Variants in SCARB1 observed in about 807,000 individuals in gnomAD.
SCARB1 encodes scavenger receptor class B member 1.
SCARB1 carries 30 observed loss-of-function variants against 57.2 expected under a neutral mutation model. The ratio of observed to expected loss-of-function variants is 0.52; its 90% CI spans 0.39 to 0.71. The LOEUF is 0.71. Ranked by LOEUF, SCARB1 falls within the 30% of genes least tolerant of loss-of-function variation. The pLI is 0.00. For synonymous variants in SCARB1, 249 were observed against 268.3 expected (o/e 0.93, Z 0.70); for missense variants, 543 against 671.2 (o/e 0.81, Z 2.11).
At chr12:124,851,807 A>G (rs181355331) in intron 1 of SCARB1, among the ~76,000 whole-genome samples, 48 of 152,080 alleles carry the variant, frequency 3.2e-4, no homozygotes, top group African/African-American at 1.1e-3. Context: ...GGGTTTCACC[A>G]TGTTGGCCAG....
At chr12:124,857,520 A>G (rs1952691282) in intron 1 of SCARB1, among the ~76,000 whole-genome samples, 1 of 152,204 alleles carries the variant, frequency 6.6e-6, no homozygotes, top group African/African-American at 2.4e-5. Flanking sequence ...GCCTGAGGCC[A>G]GGGCTGGGGG....
chr12:124,861,682 C>T (rs1325076764), intron 1 of SCARB1, among the ~76,000 whole-genome samples: 2 of 152,186 alleles, frequency 1.3e-5, no homozygotes, highest in East Asian at 1.9e-4. Flanking sequence ...TTGGGCTGGG[C>T]GTGTCTTCCT....
At position 124,814,161 on chromosome 12, in the gene SCARB1, C is replaced by T; in HGVS notation, c.630+41G>A. Reference sequence around the variant, plus strand: ...CAGGCTGTGTGAGGGGAAGACAGGACACAGGCCTGAATCTTTGGCTTCTCA... The same window carrying T: ...CAGGCTGTGTGAGGGGAAGACAGGATACAGGCCTGAATCTTTGGCTTCTCA... On this transcript the variant is annotated intron_variant, in intron 4 of 12. Coordinates refer to ENST00000261693, the MANE Select transcript of SCARB1 (RefSeq NM_005505.5). The surrounding 1 kb of genome is among the most constrained non-coding windows in gnomAD (Gnocchi z 4.7). 2 of 1,581,892 alleles carry T rather than the reference C, an allele frequency of 1.3e-6. No individual in the cohort carries two copies. Among genetic ancestry groups the T allele is most frequent in the Non-Finnish European group, 1.7e-6 (2 of 1,150,988 alleles).
Position 124,814,528 on chromosome 12 carries a change from G to T in SCARB1, c.427-123C>A. 9.7e-7 allele frequency: 1 copy of T among 1,030,022 alleles called. No homozygotes were observed. Among genetic ancestry groups the T allele is most frequent in the Non-Finnish European group, 1.5e-6 (1 of 671,054 alleles). 63.8% of individuals were successfully genotyped at this position (1,030,022 alleles called of 1,614,324 possible). ...AAATGCTGGGGTGCAGGAGGCCCCT[G>T]GAGTGGCCACGTGGGGCATCTGGGA... is the stretch of plus-strand genomic sequence containing the variant. On this transcript the variant is annotated intron_variant, in intron 3 of 12. Transcript: ENST00000261693. The surrounding 1 kb of genome is among the most constrained non-coding windows in gnomAD (Gnocchi z 4.7).
rs1953006937 is a variant in SCARB1, at chr12:124,863,839, G to A, written c.-119C>T. 1 of 1,264,118 alleles carries A rather than the reference G, an allele frequency of 7.9e-7. No homozygotes were observed. The highest frequency in any genetic ancestry group is 1.0e-6 in the Non-Finnish European group (1 of 979,140). 78.3% of individuals were successfully genotyped at this position (1,264,118 alleles called of 1,614,324 possible). The stretch of plus-strand genomic sequence containing the variant: ...GGCACGCAGGCCGCAGAGGCACGGT[G>A]GATCCGGGACGGCAGCGCACGCAGG... On this transcript the variant is annotated 5_prime_UTR_variant, in exon 1 of 13. Coordinates refer to ENST00000261693, the MANE Select transcript of SCARB1 (RefSeq NM_005505.5).
At position 124,814,823 on chromosome 12, in the gene SCARB1, A is replaced by G. The variant is rs2278986; in HGVS notation, c.426+150T>C. The G allele has an allele frequency of 0.3, 286,283 of 943,434 alleles. 45,638 individuals are homozygous for G. The highest frequency in any genetic ancestry group is 0.44 in the South Asian group (31,382 of 71,264). The allele number at this position is 943,434 out of a possible 1,614,324, so 58.4% of individuals were successfully genotyped here. A position where few individuals can be genotyped will look rare whatever the true frequency, so the allele number is the denominator to read the frequency against. On this transcript the variant is annotated intron_variant, in intron 3 of 12. Coordinates refer to ENST00000261693, the MANE Select transcript of SCARB1 (RefSeq NM_005505.5). The surrounding 1 kb of genome is among the most constrained non-coding windows in gnomAD (Gnocchi z 4.7). The stretch of plus-strand genomic sequence containing the variant: ...ACTCAGAACCCACTGGGGGTGGTGG[A>G]GACAGCACAGGGCCGAAAGCCACCC...
intron 1 of SCARB1, among the ~76,000 whole-genome samples, chr12:124,844,922 C>G (rs1274932828): frequency 6.6e-6 from 1 of 151,380 alleles, no homozygotes; most frequent in Admixed American, 6.6e-5. Context: ...CAGACTCAGA[C>G]ACCCACCAGA....
rs992319938 is a variant in SCARB1, at chr12:124,807,501, T to C, written c.1009+260A>G. Among the ~76,000 whole-genome samples, 7 of 152,218 alleles carry C rather than the reference T, an allele frequency of 4.6e-5. No individual in the cohort carries two copies. Among genetic ancestry groups the C allele is most frequent in the African/African-American group, 1.7e-4 (7 of 41,456 alleles). On this transcript the variant is annotated intron_variant, in intron 7 of 12. Transcript: ENST00000261693. The surrounding 1 kb of genome is among the most constrained non-coding windows in gnomAD (Gnocchi z 5.3). ...TGAGCGCGGTGAGACCCACGCAGAC[T>C]TCTGACTACAGAACTGCAAGATAAC...
intron 9 of SCARB1, among the ~76,000 whole-genome samples, chr12:124,787,669 T>C (rs1949572411): frequency 6.6e-6 from 1 of 152,126 alleles, no homozygotes; most frequent in Non-Finnish European, 1.5e-5. Context: ...CCCTCAATAA[T>C]ACTTGTAAAT....
At chr12:124,832,310 A>G (rs928153816) in intron 1 of SCARB1, among the ~76,000 whole-genome samples, 1 of 152,212 alleles carries the variant, frequency 6.6e-6, no homozygotes, top group African/African-American at 2.4e-5. Context: ...ACTTGAGGTC[A>G]GGAGTTGGAG....
rs1236063304 is a variant in SCARB1 at position 124,813,062 on chromosome 12, A to G, written c.631-1097T>C. On this transcript the variant is annotated intron_variant, in intron 4 of 12. Transcript: ENST00000261693. ...ACTGCCAGTTACTACCCAAAGCCCAATCTCTCCTTACTCTTTCATACAAAA... is the reference window on the plus strand; with the variant it reads ...ACTGCCAGTTACTACCCAAAGCCCAGTCTCTCCTTACTCTTTCATACAAAA... 6.6e-5 allele frequency among the ~76,000 whole-genome samples: 10 copies of G among 152,108 alleles called. 1 individual carries two copies. Among genetic ancestry groups the G allele is most frequent in the African/African-American group, 2.4e-4 (10 of 41,400 alleles).
At position 124,807,036 on chromosome 12, in the gene SCARB1, C is replaced by T. The variant is rs561989838; in HGVS notation, c.1009+725G>A. Among the ~76,000 whole-genome samples the T allele has an allele frequency of 8.8e-4, 134 of 152,072 alleles. 2 individuals carry two copies. The highest frequency in any genetic ancestry group is 1.1e-3 in the Non-Finnish European group (72 of 68,020). On this transcript the variant is annotated intron_variant, in intron 7 of 12. Coordinates refer to ENST00000261693, the MANE Select transcript of SCARB1 (RefSeq NM_005505.5). This position sits in a 1 kb window ranked among gnomAD's most constrained non-coding sequence, Gnocchi z 5.3. ...CAACATGGTGAAACCCCCATCTCTA[C>T]CAAAAATACAAAAAATTAGCCAGGT...
At chr12:124,833,193 CTTTT>C (rs34730382) in intron 1 of SCARB1, among the ~76,000 whole-genome samples, 2 of 141,352 alleles carry the variant, frequency 1.4e-5, no homozygotes, top group East Asian at 2.1e-4. Flanking sequence ...AGATCCTTAA[CTTTT>C]TTTTTTTTTT....
At chr12:124,847,558 T>C (rs1441716461) in intron 1 of SCARB1, among the ~76,000 whole-genome samples, 1 of 152,166 alleles carries the variant, frequency 6.6e-6, no homozygotes, top group Non-Finnish European at 1.5e-5. Context: ...TCCACAATCT[T>C]CCTGGCCCAG....
At chr12:124,842,555 A>T (rs553010812) in intron 1 of SCARB1, among the ~76,000 whole-genome samples, 1 of 152,326 alleles carries the variant, frequency 6.6e-6, no homozygotes, top group Non-Finnish European at 1.5e-5. Context: ...TGGCAGCTTC[A>T]TCACACTTAT....
chr12:124,823,555 T>G (rs1055874509), intron 1 of SCARB1, among the ~76,000 whole-genome samples: 1 of 152,230 alleles, frequency 6.6e-6, no homozygotes, highest in Non-Finnish European at 1.5e-5. Flanking sequence ...ACAGCCACTG[T>G]GGAAACCAGT....
intron 7 of SCARB1, among the ~76,000 whole-genome samples, chr12:124,805,690 C>G (rs1403948410): frequency 6.7e-6 from 1 of 150,066 alleles, no homozygotes; most frequent in Non-Finnish European, 1.5e-5. Flanking sequence ...TTCCACGTAG[C>G]TAGGACTACA....
rs1158168032 is a variant in SCARB1 at position 124,837,512 on chromosome 12, A to AGGG, written c.127-19806_127-19805insCCC. The stretch of plus-strand genomic sequence containing the variant: ...GGAAGGAAGGAAGGAAGGGAGAAAA[A>AGGG]AGAAAAGAAAGGAAAGAAAAAGAAA... On this transcript the variant is annotated intron_variant, in intron 1 of 12. Transcript: ENST00000261693. Among the ~76,000 whole-genome samples the AGGG allele has an allele frequency of 6.1e-3, 647 of 105,530 alleles. 36 individuals carry two copies. In the East Asian group the frequency reaches 0.12, roughly 19 times the overall value. 69.2% of individuals were successfully genotyped at this position (105,530 alleles called of 152,430 possible). A position where few individuals can be genotyped will look rare whatever the true frequency, so the allele number is the denominator to read the frequency against.
Position 124,817,470 on chromosome 12 carries a change from T to TC in SCARB1, c.284+79dup. ...AATCTCTGGGGCTCAGTCAGCAGCC[T>TC]CCCCATCCCGTCCACTCTGAGACCC... On this transcript the variant is annotated intron_variant, in intron 2 of 12. Coordinates refer to ENST00000261693, the MANE Select transcript of SCARB1 (RefSeq NM_005505.5). The surrounding 1 kb of genome is among the most constrained non-coding windows in gnomAD (Gnocchi z 4.8). 7.5e-7 allele frequency: 1 copy of TC among 1,333,112 alleles called. No homozygotes were observed. The highest frequency in any genetic ancestry group is 1.0e-6 in the Non-Finnish European group (1 of 970,484). The allele number at this position is 1,333,112 out of a possible 1,614,324, so 82.6% of individuals were successfully genotyped here. A position where few individuals can be genotyped will look rare whatever the true frequency, so the allele number is the denominator to read the frequency against.
Sources: allele counts gnomAD v4.1 joint callset (sites outside exome capture counted in the v4.1 genomes callset), GRCh38; gene constraint gnomAD v4.1.1; non-coding constraint Gnocchi (gnomAD v3.1); transcripts MANE v1.5; gene names NCBI Gene and HGNC (gene_info 2026-07-23, HGNC 2026-07-21).